The following ANKRD54 variants were observed in gnomAD, a reference collection of about 807,000 sequenced individuals.
ANKRD54 encodes ankyrin repeat domain 54.
In ANKRD54, 26 loss-of-function variants were observed where a neutral mutation model predicts 36.2. The observed-to-expected ratio is 0.72, with a 90% confidence interval of 0.53 to 1.00. ANKRD54 has a LOEUF of 1.00. Ranked by LOEUF, ANKRD54 falls within the 50% of genes least tolerant of loss-of-function variation. ANKRD54 has a pLI of 0.00. For missense variants in ANKRD54, 384 were observed against 424.3 expected (o/e 0.91, Z 0.83); for synonymous variants, 209 against 188.4 (o/e 1.11, Z -0.89).
At chr22:37,840,102 G>T in intron 2 of ANKRD54, 85 bp downstream of exon 2, 1 of 1,497,948 alleles carries the variant, frequency 6.7e-7, no homozygotes, top group Non-Finnish European at 9.3e-7. Flanking sequence ...TTTGCAGACT[G>T]CCTTCCCACA....
At chr22:37,839,544 C>T (rs1191437936) in intron 2 of ANKRD54, among the ~76,000 whole-genome samples, 3 of 152,156 alleles carry the variant, frequency 2.0e-5, no homozygotes, top group African/African-American at 7.2e-5. Flanking sequence ...CCCACCACCA[C>T]GTCCGGCTAA....
chr22:37,831,654 C>T lies in ANKRD54; in HGVS notation c.*289G>A, dbSNP rs568671900. 12 of 467,396 alleles carry T rather than the reference C, an allele frequency of 2.6e-5. No homozygotes were observed. Among genetic ancestry groups the T allele is most frequent in the African/African-American group, 3.9e-5 (2 of 51,488 alleles). The allele number at this position is 467,396 out of a possible 1,614,324, so 29.0% of individuals were successfully genotyped here. On this transcript the variant is annotated 3_prime_UTR_variant, in exon 8 of 8. Transcript: ENST00000215941. Reference sequence around the variant, plus strand: ...GGGCAAGTGAGGTCTGCTGAGATAGCGCAGGTCTGCGGAGCTGAAGTGCAG... The same window carrying T: ...GGGCAAGTGAGGTCTGCTGAGATAGTGCAGGTCTGCGGAGCTGAAGTGCAG...
chr22:37,833,223 G>A lies in ANKRD54; in HGVS notation c.548-17C>T, dbSNP rs753983003. 16 of 1,612,962 alleles carry A rather than the reference G, an allele frequency of 9.9e-6. No individual in the cohort carries two copies. The Middle Eastern group carries it at 6.6e-4, about 67-fold the overall frequency. The stretch of plus-strand genomic sequence containing the variant: ...TGCAGGCCGCTGAGGAAGAACAACA[G>A]AGACTTAAGAATCCAGGACCACCAG... On this transcript the variant is annotated splice_polypyrimidine_tract_variant and intron_variant, in intron 4 of 7. Coordinates refer to ENST00000215941, the MANE Select transcript of ANKRD54 (RefSeq NM_138797.4).
At chr22:37,841,892 T>A (rs1031167862) in intron 1 of ANKRD54, among the ~76,000 whole-genome samples, 548 of 30,530 alleles carry the variant, frequency 0.018, 12 homozygotes, top group African/African-American at 0.069. Context: ...AATAAATAAA[T>A]AAATAAAATA....
intron 3 of ANKRD54, among the ~76,000 whole-genome samples, chr22:37,835,600 A>T (rs1198566091): frequency 6.6e-6 from 1 of 152,148 alleles, no homozygotes; most frequent in African/African-American, 2.4e-5. Context: ...TGAGCCCAAG[A>T]GTTAGAGAAC....
rs539035876 is a variant in ANKRD54, at chr22:37,834,161, C to G, written c.476-406G>C. On this transcript the variant is annotated intron_variant, in intron 3 of 7. Transcript: ENST00000215941. Reference sequence around the variant, plus strand: ...CTCTCCCTCCTGGCAGTCTTGGGATCACCTCAGGGGTGTGCTGTATTATCA... The same window carrying G: ...CTCTCCCTCCTGGCAGTCTTGGGATGACCTCAGGGGTGTGCTGTATTATCA... The G allele has an allele frequency of 2.3e-3, 489 of 214,892 alleles. 1 individual carries two copies. Among genetic ancestry groups the G allele is most frequent in the African/African-American group, 0.01 (461 of 45,204 alleles). 13.3% of individuals were successfully genotyped at this position (214,892 alleles called of 1,614,324 possible). A position where few individuals can be genotyped will look rare whatever the true frequency, so the allele number is the denominator to read the frequency against.
chr22:37,838,543 G>A lies in ANKRD54; in HGVS notation c.432C>T (p.Arg144=), dbSNP rs754456937. The change falls in exon 3 of 8, where the codon CGC becomes CGT. Residue 144 remains arginine (R), a synonymous_variant. Coordinates refer to ENST00000215941, the MANE Select transcript of ANKRD54 (RefSeq NM_138797.4). ...ADPCAADDKG[R]TALHFASCNG... is the part of the protein sequence containing the mutation. ...TGCATGAGGCAAAGTGTAGAGCTGT[G>A]CGGCCCTTGTCATCAGCTGCACAGG... is the stretch of plus-strand genomic sequence containing the variant. 5 of 1,612,638 alleles carry A rather than the reference G, an allele frequency of 3.1e-6. No homozygotes were observed. The South Asian group carries it at 4.4e-5, about 14-fold the overall frequency.
intron 1 of ANKRD54, among the ~76,000 whole-genome samples, chr22:37,840,512 T>A (rs1924094092): frequency 6.6e-6 from 1 of 151,804 alleles, no homozygotes; most frequent in Non-Finnish European, 1.5e-5. Context: ...TGAGCAGAGA[T>A]CGCGCCACTG....
intron 6 of ANKRD54, 30 bp from the exon 7 acceptor site, chr22:37,832,774 G>A (rs1923053165): frequency 6.2e-7 from 1 of 1,611,514 alleles, no homozygotes; most frequent in Non-Finnish European, 8.5e-7. Flanking sequence ...TGAGCTGCCT[G>A]GGTTCCTAGG....
upstream of ANKRD54, among the ~76,000 whole-genome samples, chr22:37,846,195 T>C (rs1040111656): frequency 6.6e-6 from 1 of 151,964 alleles, no homozygotes. Flanking sequence ...AAAAAAGTAA[T>C]CTTTCTCTTA....
chr22:37,836,199 C>T (rs931860460), intron 3 of ANKRD54, among the ~76,000 whole-genome samples: 12 of 149,908 alleles, frequency 8.0e-5, no homozygotes, highest in Admixed American at 7.3e-4. Flanking sequence ...GTAATCCCAG[C>T]GCTATGGGAG....
chr22:37,846,011 A>C (rs1391575244), upstream of ANKRD54, among the ~76,000 whole-genome samples: 1 of 152,036 alleles, frequency 6.6e-6, no homozygotes. Flanking sequence ...CGTCTCTACT[A>C]AAAATACAAA....
Position 37,836,338 on chromosome 22 carries a change from T to C in ANKRD54, c.475+2162A>G, listed in dbSNP as rs577831016. Among the ~76,000 whole-genome samples the C allele has an allele frequency of 8.3e-5, 12 of 144,890 alleles. No homozygotes were observed. In the South Asian group the frequency reaches 2.6e-3, roughly 31 times the overall value. On this transcript the variant is annotated intron_variant, in intron 3 of 7. Transcript: ENST00000215941. Reference sequence around the variant, plus strand: ...GCGCATGCCTGTAATCCCAGCTACTTGGGAGGATGAGGCAGGAGAATCACT... The same window carrying C: ...GCGCATGCCTGTAATCCCAGCTACTCGGGAGGATGAGGCAGGAGAATCACT...
chr22:37,846,979 A>G (rs999519637), upstream of ANKRD54, among the ~76,000 whole-genome samples: 1 of 145,706 alleles, frequency 6.9e-6, no homozygotes, highest in Non-Finnish European at 1.5e-5. Context: ...TCAGCCTCCC[A>G]AGTAGCTGGG....
upstream of ANKRD54, chr22:37,849,340 A>C (rs1925019038): frequency 7.1e-7 from 1 of 1,414,770 alleles, no homozygotes; most frequent in Non-Finnish European, 1.0e-6. Context: ...GGCCTCGGAA[A>C]GGCTTCCGGT....
chr22:37,833,313 A>G, intron 4 of ANKRD54, 107 bp from the exon 5 acceptor site: 1 of 1,393,940 alleles, frequency 7.2e-7, no homozygotes, highest in Non-Finnish European at 1.0e-6. Flanking sequence ...GTGCCAAGTT[A>G]TGCCTACTGA....
upstream of ANKRD54, chr22:37,849,145 C>G: frequency 2.2e-6 from 1 of 457,342 alleles, no homozygotes; most frequent in South Asian, 4.3e-5. Context: ...CGCCACCACT[C>G]CCGGCTAATT....
chr22:37,844,151 G>T lies in ANKRD54; in HGVS notation c.88C>A (p.Leu30Met). 6.7e-7 allele frequency: 1 copy of T among 1,497,442 alleles called. No individual in the cohort carries two copies. Among genetic ancestry groups the T allele is most frequent in the Non-Finnish European group, 8.8e-7 (1 of 1,130,552 alleles). 92.8% of individuals were successfully genotyped at this position (1,497,442 alleles called of 1,614,324 possible). ...GAGAAGAGGCCCTCAGCGTCAGTCA[G>T]CGGCTCCGGCGCCACCGCGCACTCG... ...EGECAVAPEPLTDAEGLFSFA... is the reference protein window; with the variant it reads ...EGECAVAPEPMTDAEGLFSFA... Residue 30 changes from leucine (L) to methionine (M), a missense_variant, in exon 1 of 8, where the codon CTG becomes ATG. Transcript: ENST00000215941.
chr22:37,848,743 C>G (rs1462024679), upstream of ANKRD54: 1 of 152,078 alleles, frequency 6.6e-6, no homozygotes, highest in Admixed American at 6.6e-5. Context: ...GAAGTCCGAA[C>G]GTTTGAATAA....
Sources: allele counts gnomAD v4.1 joint callset (sites outside exome capture counted in the v4.1 genomes callset), GRCh38; gene constraint gnomAD v4.1.1; transcripts MANE v1.5; gene names NCBI Gene and HGNC (gene_info 2026-07-23, HGNC 2026-07-21).